OSBPL3: variants seen among roughly 807,000 people sequenced by gnomAD.
The protein encoded by OSBPL3 is oxysterol binding protein like 3, also known as oxysterol-binding protein-related protein 3.
A neutral mutation model predicts 120.1 loss-of-function variants in OSBPL3; 65 were observed. The observed-to-expected ratio is 0.54, with a 90% CI of 0.44 to 0.67. The LOEUF is 0.67. OSBPL3 is among the 30% of genes least tolerant of loss of function. OSBPL3 has a pLI of 0.00. For synonymous variants in OSBPL3, 416 were observed against 402.6 expected (o/e 1.03, Z -0.40); for missense variants, 1,004 against 1,082.1 (o/e 0.93, Z 1.01).
intron 1 of OSBPL3, among the ~76,000 whole-genome samples, chr7:24,958,992 T>G (rs1032915731): frequency 3.3e-5 from 5 of 152,166 alleles, no homozygotes; most frequent in African/African-American, 1.2e-4. Flanking sequence ...AAGATCAAAG[T>G]ATTAAGGGGA....
intron 22 of OSBPL3, among the ~76,000 whole-genome samples, chr7:24,801,106 T>G (rs1472805537): frequency 2.6e-5 from 4 of 151,416 alleles, no homozygotes; most frequent in African/African-American, 9.7e-5. Context: ...CCGGGCATGG[T>G]GGCGGGCACC....
chr7:24,800,181 TTTC>T lies in OSBPL3; in HGVS notation c.2663_*1del. 6.4e-7 allele frequency: 1 copy of T among 1,554,448 alleles called. No individual in the cohort carries two copies. Among genetic ancestry groups the T allele is most frequent in the Non-Finnish European group, 8.9e-7 (1 of 1,125,746 alleles). On this transcript the variant is annotated stop_retained_variant and 3_prime_UTR_variant, in exon 23 of 23. Coordinates refer to ENST00000313367, the MANE Select transcript of OSBPL3 (RefSeq NM_015550.4). ...CTAATGTTATCTTTCTTCTTTACTT[TTTC>T]ACCATAAGACAGGATGGTCCAGTTT...
rs769538107 is a variant in OSBPL3 at position 24,866,145 on chromosome 7, T to C, written c.474A>G (p.Glu158=). Residue 158 remains glutamate, a synonymous_variant, in exon 6 of 23, where the codon GAA becomes GAG. Transcript: ENST00000313367. ...RQNEIAMFPH[E]VNHFFSGSTI... is the part of the protein sequence containing the mutation. ...TGGACCCTGAGAAAAAGTGGTTAAC[T>C]TCATGTGGAAACATGGCAATTTCAT... 9 of 1,613,350 alleles carry C rather than the reference T, an allele frequency of 5.6e-6. No individual in the cohort carries two copies. In the Admixed American group the frequency reaches 1.5e-4, roughly 27 times the overall value.
chr7:24,939,058 C>T lies in OSBPL3; in HGVS notation c.-150+40828G>A, dbSNP rs553289599. 1.3e-5 allele frequency among the ~76,000 whole-genome samples: 2 copies of T among 152,040 alleles called. No homozygotes were observed. Among genetic ancestry groups the T allele is most frequent in the East Asian group, 3.9e-4 (2 of 5,182 alleles). On this transcript the variant is annotated intron_variant, in intron 1 of 22. Coordinates refer to ENST00000313367, the MANE Select transcript of OSBPL3 (RefSeq NM_015550.4). This position sits in a 1 kb window ranked among gnomAD's most constrained non-coding sequence, Gnocchi z 4.2. ...GAGATATTGGATGAAATCATAGGAACAGTTAAGATAGCCCAAGGAATCAGC... is the reference window on the plus strand; with the variant it reads ...GAGATATTGGATGAAATCATAGGAATAGTTAAGATAGCCCAAGGAATCAGC...
At position 24,804,529 on chromosome 7, in the gene OSBPL3, T is replaced by C; in HGVS notation, c.2445-92A>G. ...CAACTTGCATGTGTCCACGACTGGA[T>C]ATTCAAAATCCTCTCCTATACGTAA... On this transcript the variant is annotated intron_variant, in intron 21 of 22. Transcript: ENST00000313367. This position sits in a 1 kb window ranked among gnomAD's most constrained non-coding sequence, Gnocchi z 5.4. 8.0e-7 allele frequency: 1 copy of C among 1,250,052 alleles called. No individual in the cohort carries two copies. Among genetic ancestry groups the C allele is most frequent in the Non-Finnish European group, 1.1e-6 (1 of 888,476 alleles). The allele number at this position is 1,250,052 out of a possible 1,614,324, so 77.4% of individuals were successfully genotyped here.
intron 10 of OSBPL3, among the ~76,000 whole-genome samples, chr7:24,858,485 G>A (rs1232103506): frequency 6.6e-6 from 1 of 152,188 alleles, no homozygotes; most frequent in Non-Finnish European, 1.5e-5. Flanking sequence ...ATTACAATCT[G>A]TGCAAGAGAC....
At chr7:24,828,607 A>AAAAAAAAAAAAAAAG (rs1263872626) in intron 16 of OSBPL3, among the ~76,000 whole-genome samples, 1 of 95,022 alleles carries the variant, frequency 1.1e-5, no homozygotes, top group Non-Finnish European at 2.2e-5. Context: ...ACTCTGTCTG[A>AAAAAAAAAAAAAAAG]AAAAAAAAAA....
chr7:24,804,343 G>C lies in OSBPL3; in HGVS notation c.2539C>G (p.His847Asp), dbSNP rs916222109. ...RERRRVLEEN[H>D]VEHQPRFFRK... is the part of the protein sequence containing the mutation. ...AAAAACCGAGGCTGGTGCTCCACAT[G>C]ATTTTCTTCTAAGACCCGCCGCCTT... Residue 847 changes from histidine to aspartate, a missense_variant, in exon 22 of 23, where the codon CAT becomes GAT. Physicochemically the swap from His to Asp is moderately conservative, Grantham distance 81 (BLOSUM62 -1). Transcript: ENST00000313367. This position sits in a 1 kb window ranked among gnomAD's most constrained non-coding sequence, Gnocchi z 5.4. 3.7e-6 allele frequency: 6 copies of C among 1,614,090 alleles called. No homozygotes were observed. The highest frequency in any genetic ancestry group is 5.1e-6 in the Non-Finnish European group (6 of 1,180,012).
In OSBPL3 at chr7:24,952,188, G is replaced by A. The variant is rs537042310; in HGVS notation, c.-150+27698C>T. On this transcript the variant is annotated intron_variant, in intron 1 of 22. Transcript: ENST00000313367. This position sits in a 1 kb window ranked among gnomAD's most constrained non-coding sequence, Gnocchi z 4.4. Reference sequence around the variant, plus strand: ...GAGGCACTTGAACTACCCAGACACTGAAATGATGCACAAAATTCTGCTCAA... The same window carrying A: ...GAGGCACTTGAACTACCCAGACACTAAAATGATGCACAAAATTCTGCTCAA... Among the ~76,000 whole-genome samples, 1 of 152,312 alleles carries A rather than the reference G, an allele frequency of 6.6e-6. No individual in the cohort carries two copies. The highest frequency in any genetic ancestry group is 2.4e-5 in the African/African-American group (1 of 41,564).
rs1424699640 is a variant in OSBPL3, at chr7:24,940,786, A to G, written c.-150+39100T>C. ...ACAAACCAAAGCTCACACTTCCCAC[A>G]TCGCTCTTCTTAACATTTCTTCCTT... is the stretch of plus-strand genomic sequence containing the variant. On this transcript the variant is annotated intron_variant, in intron 1 of 22. Transcript: ENST00000313367. This position sits in a 1 kb window ranked among gnomAD's most constrained non-coding sequence, Gnocchi z 4.4. Among the ~76,000 whole-genome samples the G allele has an allele frequency of 1.3e-5, 2 of 151,438 alleles. No individual in the cohort carries two copies. Among genetic ancestry groups the G allele is most frequent in the Non-Finnish European group, 1.5e-5 (1 of 67,882 alleles).
In OSBPL3 at chr7:24,802,263, G is replaced by A. The variant is rs1792454044; in HGVS notation, c.2568-1984C>T. 6.6e-6 allele frequency among the ~76,000 whole-genome samples: 1 copy of A among 152,140 alleles called. No individual in the cohort carries two copies. The highest frequency in any genetic ancestry group is 2.4e-5 in the African/African-American group (1 of 41,432). On this transcript the variant is annotated intron_variant, in intron 22 of 22. Transcript: ENST00000313367. This position sits in a 1 kb window ranked among gnomAD's most constrained non-coding sequence, Gnocchi z 4.1. ...ACTTAGAATTTTCAGTGATTTTGTTGCTGTTCCTCAGTAAGTGTTAATGAC... is the reference window on the plus strand; with the variant it reads ...ACTTAGAATTTTCAGTGATTTTGTTACTGTTCCTCAGTAAGTGTTAATGAC...
Position 24,862,132 on chromosome 7 carries a change from C to T in OSBPL3, c.871-363G>A, listed in dbSNP as rs1262271350. Among the ~76,000 whole-genome samples the T allele has an allele frequency of 6.6e-6, 1 of 152,088 alleles. No individual in the cohort carries two copies. Among genetic ancestry groups the T allele is most frequent in the Non-Finnish European group, 1.5e-5 (1 of 68,012 alleles). The stretch of plus-strand genomic sequence containing the variant: ...CGATCTCCTGACCTTGTGTTCTGCC[C>T]GCCTCAGCCTTCCAAAGTGCTGGGA... On this transcript the variant is annotated intron_variant, in intron 9 of 22. Transcript: ENST00000313367. This position sits in a 1 kb window ranked among gnomAD's most constrained non-coding sequence, Gnocchi z 4.4.
rs1459786505 is a variant in OSBPL3 at position 24,898,507 on chromosome 7, G to T, written c.-149-5886C>A. Among the ~76,000 whole-genome samples the T allele has an allele frequency of 6.6e-6, 1 of 152,088 alleles. No individual in the cohort carries two copies. The highest frequency in any genetic ancestry group is 1.5e-5 in the Non-Finnish European group (1 of 68,028). On this transcript the variant is annotated intron_variant, in intron 1 of 22. Coordinates refer to ENST00000313367, the MANE Select transcript of OSBPL3 (RefSeq NM_015550.4). This position sits in a 1 kb window ranked among gnomAD's most constrained non-coding sequence, Gnocchi z 4.3. The stretch of plus-strand genomic sequence containing the variant: ...AGTCAAGAGGCCTAAAGACTCAAAT[G>T]CTTACTCTGGCACAATAGAGTATCC...
rs1793330979 is a variant in OSBPL3, at chr7:24,808,365, C to A, written c.2317+1442G>T. On this transcript the variant is annotated intron_variant, in intron 20 of 22. Transcript: ENST00000313367. This position sits in a 1 kb window ranked among gnomAD's most constrained non-coding sequence, Gnocchi z 4.6. ...TTTTCTTAAAGATGGGCCAGGGATG[C>A]TCACTGCCATTAGAGAGACATAAAG... Among the ~76,000 whole-genome samples the A allele has an allele frequency of 6.6e-6, 1 of 152,170 alleles. No individual in the cohort carries two copies. The highest frequency in any genetic ancestry group is 2.4e-5 in the African/African-American group (1 of 41,436).
Position 24,881,346 on chromosome 7 carries a change from G to T in OSBPL3, c.97-9277C>A, listed in dbSNP as rs1300781908. The stretch of plus-strand genomic sequence containing the variant: ...TCAGAGAACTTTACAAATCAAAGAA[G>T]GAATGACTTTAGTGCCAAGTATGTT... On this transcript the variant is annotated intron_variant, in intron 2 of 22. Transcript: ENST00000313367. The surrounding 1 kb of genome is among the most constrained non-coding windows in gnomAD (Gnocchi z 4.3). Among the ~76,000 whole-genome samples, 1 of 152,128 alleles carries T rather than the reference G, an allele frequency of 6.6e-6. No homozygotes were observed. The highest frequency in any genetic ancestry group is 1.5e-5 in the Non-Finnish European group (1 of 68,020).
intron 20 of OSBPL3, 80 bp downstream of exon 20, chr7:24,809,727 T>C: frequency 1.5e-6 from 2 of 1,348,720 alleles, no homozygotes; most frequent in Middle Eastern, 2.1e-4. Flanking sequence ...CAGACACTAC[T>C]CCTGTCCTCT....
rs1814502676 is a variant in OSBPL3 at position 24,952,004 on chromosome 7, C to A, written c.-150+27882G>T. 6.6e-6 allele frequency among the ~76,000 whole-genome samples: 1 copy of A among 152,122 alleles called. No homozygotes were observed. The highest frequency in any genetic ancestry group is 1.5e-5 in the Non-Finnish European group (1 of 68,024). ...AGAGCTCTAGTACTGTTGACAGCAA[C>A]ACTTCTTGGGGATATTATTAACTGG... On this transcript the variant is annotated intron_variant, in intron 1 of 22. Coordinates refer to ENST00000313367, the MANE Select transcript of OSBPL3 (RefSeq NM_015550.4). The surrounding 1 kb of genome is among the most constrained non-coding windows in gnomAD (Gnocchi z 4.4).
chr7:24,971,589 G>T (rs532415238), intron 1 of OSBPL3, among the ~76,000 whole-genome samples: 197 of 152,278 alleles, frequency 1.3e-3, no homozygotes, highest in African/African-American at 4.5e-3. Flanking sequence ...CCTCCTTCTG[G>T]TCCCAGCAGA....
In OSBPL3 at chr7:24,966,446, T is replaced by C. The variant is rs1440018549; in HGVS notation, c.-150+13440A>G. Among the ~76,000 whole-genome samples, 4 of 152,118 alleles carry C rather than the reference T, an allele frequency of 2.6e-5. No homozygotes were observed. The highest frequency in any genetic ancestry group is 6.5e-5 in the Admixed American group (1 of 15,282). The stretch of plus-strand genomic sequence containing the variant: ...AGGCCCTTAATCAAGGAACAAATGA[T>C]GCAGAACTCAAAGTAACAAACAAGC... On this transcript the variant is annotated intron_variant, in intron 1 of 22. Coordinates refer to ENST00000313367, the MANE Select transcript of OSBPL3 (RefSeq NM_015550.4). This position sits in a 1 kb window ranked among gnomAD's most constrained non-coding sequence, Gnocchi z 4.8.
Sources: gnomAD v4.1 joint callset for allele counts (sites outside exome capture counted in the v4.1 genomes callset) on GRCh38, gnomAD v4.1.1 for gene constraint, Gnocchi (gnomAD v3.1) non-coding constraint, MANE v1.5 for transcripts, NCBI Gene and HGNC (gene_info 2026-07-23, HGNC 2026-07-21) for gene names.